RASGRF1: variants seen among roughly 807,000 people sequenced by gnomAD.
RASGRF1 encodes ras-specific guanine nucleotide-releasing factor 1.
Under a neutral mutation model 138.7 loss-of-function variants are expected in RASGRF1, and 40 were observed. That is an observed-to-expected ratio of 0.29 (90% CI 0.22 to 0.38). The LOEUF (loss-of-function observed/expected upper bound fraction) is 0.38, where lower values mean the gene tolerates loss of function less well. Among genes scored for constraint, RASGRF1 ranks in the 10% least tolerant of loss-of-function variants. The probability of loss-of-function intolerance (pLI) is 1.00; values close to 1 mark genes in which losing one functional copy is unlikely to be tolerated. For missense variants in RASGRF1, 1,108 were observed against 1,650.4 expected, an observed-to-expected ratio of 0.67 and a Z score of 5.69; for synonymous variants, 614 against 663.2, an observed-to-expected ratio of 0.93 and a Z score of 1.14.
At chr15:78,979,157 C>T (rs1215361009) in intron 24 of RASGRF1, 2 of 1,288,934 alleles carry the variant, frequency 1.6e-6, no homozygotes, top group African/African-American at 3.0e-5. Flanking sequence ...CTCTCGGGAG[C>T]CCAGGCAGAA....
rs554259180 is a variant in RASGRF1, at chr15:79,086,435, G to A, written c.276+3788C>T. On this transcript the variant is annotated intron_variant, in intron 1 of 26. Transcript: ENST00000558480. The stretch of plus-strand genomic sequence containing the variant: ...TTGTTTCCTCATCTGTAAAATGAGT[G>A]TACTCATTAACCTCGGGGCTGTTGT... Among the ~76,000 whole-genome samples the A allele has an allele frequency of 2.6e-5, 4 of 152,308 alleles. No homozygotes were observed. In the South Asian group the frequency reaches 6.2e-4, roughly 24 times the overall value.
Position 78,971,263 on chromosome 15 carries a change from C to T in RASGRF1, c.3681+603G>A, listed in dbSNP as rs568696694. Among the ~76,000 whole-genome samples the T allele has an allele frequency of 3.3e-5, 5 of 152,208 alleles. No individual in the cohort carries two copies. In the South Asian group the frequency reaches 1.0e-3, roughly 32 times the overall value. On this transcript the variant is annotated intron_variant, in intron 26 of 26. Coordinates refer to ENST00000558480, the MANE Select transcript of RASGRF1 (RefSeq NM_001145648.3). ...CTGTAGCAGCAAAAGATCAAAACAACCTAAATGTTCATCAATACAGAGGAT... is the reference window on the plus strand; with the variant it reads ...CTGTAGCAGCAAAAGATCAAAACAATCTAAATGTTCATCAATACAGAGGAT...
At chr15:78,970,733 C>T (rs2055740803) in intron 26 of RASGRF1, among the ~76,000 whole-genome samples, 1 of 151,326 alleles carries the variant, frequency 6.6e-6, no homozygotes, top group African/African-American at 2.4e-5. Context: ...AAAATGGGGC[C>T]TACAGTACAG....
At chr15:79,061,978 C>T (rs1286040312) in intron 2 of RASGRF1, among the ~76,000 whole-genome samples, 3 of 152,174 alleles carry the variant, frequency 2.0e-5, no homozygotes, top group Admixed American at 1.3e-4. Context: ...AAGCAACTGC[C>T]TTGCAATTTT....
chr15:78,973,324 G>T lies in RASGRF1; in HGVS notation c.3591C>A (p.Val1197=). 1 of 1,612,702 alleles carries T rather than the reference G, an allele frequency of 6.2e-7. No homozygotes were observed. The highest frequency in any genetic ancestry group is 1.1e-5 in the South Asian group (1 of 90,966). The change falls in exon 25 of 27, where the codon GTC becomes GTA. Residue 1197 remains valine (V), a synonymous_variant. Transcript: ENST00000558480. This position sits in a 1 kb window ranked among gnomAD's most constrained non-coding sequence, Gnocchi z 4.9. Reference sequence around the variant, plus strand: ...GCACCATCCTCATCTTGGAGAAGTTGACCAGGCCGTCTTCCGTGTAATTGG... The same window carrying T: ...GCACCATCCTCATCTTGGAGAAGTTTACCAGGCCGTCTTCCGTGTAATTGG... The part of the protein sequence containing the change: ...GTPNYTEDGL[V]NFSKMRMISH...
chr15:79,076,646 T>A (rs1157180616), intron 1 of RASGRF1, among the ~76,000 whole-genome samples: 1 of 152,112 alleles, frequency 6.6e-6, no homozygotes, highest in African/African-American at 2.4e-5. Context: ...CAAGAGGTGG[T>A]GATGGAATCA....
At chr15:79,088,684 C>A (rs999482967) in intron 1 of RASGRF1, among the ~76,000 whole-genome samples, 2 of 152,140 alleles carry the variant, frequency 1.3e-5, no homozygotes, top group Non-Finnish European at 2.9e-5. Flanking sequence ...GGGCTGCAGG[C>A]CCCGGGTAGG....
At chr15:78,994,175 G>A (rs1037904612) in intron 20 of RASGRF1, among the ~76,000 whole-genome samples, 4 of 152,204 alleles carry the variant, frequency 2.6e-5, no homozygotes, top group African/African-American at 7.2e-5. Context: ...GAGTACTTCC[G>A]TCTTGGGGTT....
chr15:79,081,709 G>C (rs1417019461), intron 1 of RASGRF1, among the ~76,000 whole-genome samples: 2 of 152,154 alleles, frequency 1.3e-5, no homozygotes, highest in Non-Finnish European at 2.9e-5. Context: ...TTCACAGGCT[G>C]TCCCCTCGCT....
chr15:79,082,276 T>C (rs2057924343), intron 1 of RASGRF1, among the ~76,000 whole-genome samples: 1 of 152,160 alleles, frequency 6.6e-6, no homozygotes, highest in African/African-American at 2.4e-5. Context: ...TCTTCTGAAA[T>C]AAAGCCAGGT....
intron 19 of RASGRF1, chr15:78,997,851 G>C (rs539079938): frequency 2.2e-5 from 12 of 539,136 alleles, no homozygotes; most frequent in Non-Finnish European, 3.3e-5. Flanking sequence ...AAGTGTGCTG[G>C]GTTCTTGCTT....
chr15:78,962,107 G>T lies in RASGRF1; in HGVS notation c.*37C>A. On this transcript the variant is annotated 3_prime_UTR_variant, in exon 27 of 27. Transcript: ENST00000558480. The stretch of plus-strand genomic sequence containing the variant: ...ATATGTACAGTATCATCTAGCACAT[G>T]TCCCCGGGAGCAGCTGGGTCTGGGC... The T allele has an allele frequency of 7.6e-7, 1 of 1,315,936 alleles. No homozygotes were observed. The highest frequency in any genetic ancestry group is 1.1e-6 in the Non-Finnish European group (1 of 926,850). The allele number at this position is 1,315,936 out of a possible 1,614,324, so 81.5% of individuals were successfully genotyped here. A position where few individuals can be genotyped will look rare whatever the true frequency, so the allele number is the denominator to read the frequency against.
Position 78,985,076 on chromosome 15 carries a change from C to T in RASGRF1, c.3345G>A (p.Glu1115=). 6.2e-7 allele frequency: 1 copy of T among 1,614,142 alleles called. No homozygotes were observed. Among genetic ancestry groups the T allele is most frequent in the Non-Finnish European group, 8.5e-7 (1 of 1,180,012 alleles). The change falls in exon 23 of 27, where the codon GAG becomes GAA. Residue 1115 remains glutamate (E), a synonymous_variant. Coordinates refer to ENST00000558480, the MANE Select transcript of RASGRF1 (RefSeq NM_001145648.3). ...RCLHNYNAVL[E]ITSSMNRSAI... ...CACTGCGGTTCATGGACGAGGTGAT[C>T]TCCAGTACGGCATTGTAGTTGTGGA...
At position 79,006,846 on chromosome 15, in the gene RASGRF1, T is replaced by C. The variant is rs2056686524; in HGVS notation, c.1827-412A>G. ...GGGCAACATGGCGAAACCCTGTCTC[T>C]CTTAAAAATACAAAAGTTAGCTAGG... On this transcript the variant is annotated intron_variant, in intron 13 of 26. Coordinates refer to ENST00000558480, the MANE Select transcript of RASGRF1 (RefSeq NM_001145648.3). The surrounding 1 kb of genome is among the most constrained non-coding windows in gnomAD (Gnocchi z 4.0). Among the ~76,000 whole-genome samples the C allele has an allele frequency of 6.6e-6, 1 of 152,152 alleles. No homozygotes were observed. Among genetic ancestry groups the C allele is most frequent in the Non-Finnish European group, 1.5e-5 (1 of 68,002 alleles).
In RASGRF1 at chr15:79,006,626, A is replaced by G. The variant is rs1046053353; in HGVS notation, c.1827-192T>C. ...TTTCCCAATATCCTAAAAACTCTCC[A>G]TTATAAAACCCCTAGAAATACTGGA... On this transcript the variant is annotated intron_variant, in intron 13 of 26. Transcript: ENST00000558480. The surrounding 1 kb of genome is among the most constrained non-coding windows in gnomAD (Gnocchi z 4.0). Among the ~76,000 whole-genome samples the G allele has an allele frequency of 6.6e-6, 1 of 152,228 alleles. No individual in the cohort carries two copies. Among genetic ancestry groups the G allele is most frequent in the Non-Finnish European group, 1.5e-5 (1 of 68,038 alleles).
At chr15:78,992,937 G>A (rs2056300565) in intron 20 of RASGRF1, among the ~76,000 whole-genome samples, 2 of 152,186 alleles carry the variant, frequency 1.3e-5, no homozygotes, top group African/African-American at 2.4e-5. Flanking sequence ...TGACGTCAGG[G>A]ATCTCCAGCC....
intron 4 of RASGRF1, 121 bp from the exon 5 acceptor site, chr15:79,047,120 G>A: frequency 8.1e-7 from 1 of 1,232,400 alleles, no homozygotes. Flanking sequence ...CGCCGGGCAT[G>A]TAGCAAAAAG....
rs141703633 is a variant in RASGRF1 at position 78,986,114 on chromosome 15, G to C, written c.3217-910C>G. Among the ~76,000 whole-genome samples, 68 of 152,164 alleles carry C rather than the reference G, an allele frequency of 4.5e-4. No homozygotes were observed. In the East Asian group the frequency reaches 0.013, roughly 28 times the overall value. ...CATCATACAACTAGAGCTTGGACAG[G>C]ACACACTTTGAAGCACTGCTGGTCT... On this transcript the variant is annotated intron_variant, in intron 22 of 26. Coordinates refer to ENST00000558480, the MANE Select transcript of RASGRF1 (RefSeq NM_001145648.3).
intron 1 of RASGRF1, among the ~76,000 whole-genome samples, chr15:79,078,272 C>G (rs922599103): frequency 6.6e-6 from 1 of 152,116 alleles, no homozygotes; most frequent in Non-Finnish European, 1.5e-5. Flanking sequence ...CTCCAGCTCC[C>G]TTTTCCATCT....
Sources: gnomAD v4.1 joint callset for allele counts (sites outside exome capture counted in the v4.1 genomes callset) on GRCh38, gnomAD v4.1.1 for gene constraint, Gnocchi (gnomAD v3.1) non-coding constraint, MANE v1.5 for transcripts, NCBI Gene and HGNC (gene_info 2026-07-23, HGNC 2026-07-21) for gene names.